The following ARHGAP20 variants were observed in gnomAD, a reference collection of about 807,000 sequenced individuals.
ARHGAP20 encodes the protein Rho GTPase activating protein 20.
A neutral mutation model predicts 73.7 loss-of-function variants in ARHGAP20; 34 were observed. That is an observed-to-expected ratio of 0.46 (90% confidence interval 0.35 to 0.61). The LOEUF is 0.61. Ranked by LOEUF, ARHGAP20 falls within the 20% of genes least tolerant of loss-of-function variation. The pLI, the probability that ARHGAP20 is intolerant of heterozygous loss-of-function variation, is 0.00. For missense variants in ARHGAP20, 1,314 were observed against 1,420.9 expected (o/e 0.92, Z 1.21); for synonymous variants, 523 against 518.2 (o/e 1.01, Z -0.13).
intron 8 of ARHGAP20, 115 bp from the exon 9 acceptor site, chr11:110,606,864 C>G (rs1948244808): frequency 1.1e-6 from 1 of 905,100 alleles, no homozygotes. Context: ...ATAAAGAATC[C>G]CTTTGTTTGA....
Position 110,577,294 on chromosome 11 carries a change from A to G in ARHGAP20, c.*2076T>C. The G allele has an allele frequency of 7.3e-7, 1 of 1,371,130 alleles. No homozygotes were observed. The highest frequency in any genetic ancestry group is 9.4e-7 in the Non-Finnish European group (1 of 1,060,014). The allele number at this position is 1,371,130 out of a possible 1,614,324, so 84.9% of individuals were successfully genotyped here. ...GATGGAGTATAATAAAATGACATAT[A>G]GTCTGTCTTCAAATCATACAATATA... is the stretch of plus-strand genomic sequence containing the variant. On this transcript the variant is annotated 3_prime_UTR_variant, in exon 15 of 15. Transcript: ENST00000683387.
At chr11:110,711,425 C>A (rs1465632761) in intron 1 of ARHGAP20, among the ~76,000 whole-genome samples, 1 of 151,332 alleles carries the variant, frequency 6.6e-6, no homozygotes, top group Non-Finnish European at 1.5e-5. Context: ...CGCCCCCACC[C>A]TGCTCGGTTC....
rs138889668 is a variant in ARHGAP20, at chr11:110,600,753, G to T, written c.964+5808C>A. Among the ~76,000 whole-genome samples, 14 of 152,324 alleles carry T rather than the reference G, an allele frequency of 9.2e-5. No homozygotes were observed. The East Asian group carries it at 2.7e-3, about 29-fold the overall frequency. ...ACATGTGAGTTGGGCCTTGAGGTCA[G>T]AACTTTGAATGTCTATATCTTGAAC... On this transcript the variant is annotated intron_variant, in intron 9 of 14. Transcript: ENST00000683387.
In ARHGAP20 at chr11:110,578,844, A is replaced by C; in HGVS notation, c.*526T>G. On this transcript the variant is annotated 3_prime_UTR_variant, in exon 15 of 15. Coordinates refer to ENST00000683387, the MANE Select transcript of ARHGAP20 (RefSeq NM_001384657.1). ...ACGTGATTAGTAAGATCCCACAAAA[A>C]TGGCCACTGGCTTAGATTTAGGGAA... 1 of 985,928 alleles carries C rather than the reference A, an allele frequency of 1.0e-6. No individual in the cohort carries two copies. Among genetic ancestry groups the C allele is most frequent in the South Asian group, 4.7e-5 (1 of 21,300 alleles). 61.1% of individuals were successfully genotyped at this position (985,928 alleles called of 1,614,324 possible).
intron 2 of ARHGAP20, among the ~76,000 whole-genome samples, chr11:110,675,842 T>C (rs928994853): frequency 6.6e-6 from 1 of 152,222 alleles, no homozygotes; most frequent in African/African-American, 2.4e-5. Flanking sequence ...AGCTGCTTTG[T>C]TCTCCTGTTT....
chr11:110,701,340 T>C (rs1225905795), intron 1 of ARHGAP20, among the ~76,000 whole-genome samples: 1 of 151,264 alleles, frequency 6.6e-6, no homozygotes, highest in Middle Eastern at 3.4e-3. Flanking sequence ...TGGCCAGTGA[T>C]GGTGAGCATT....
Position 110,691,001 on chromosome 11 carries a change from G to A in ARHGAP20, c.106-372C>T, listed in dbSNP as rs763210455. The A allele has an allele frequency of 2.2e-5, 33 of 1,527,494 alleles. No homozygotes were observed. The African/African-American group carries it at 2.8e-4, about 13-fold the overall frequency. 94.6% of individuals were successfully genotyped at this position (1,527,494 alleles called of 1,614,324 possible). ...TTTATTATAATCCAAAATGTCATCC[G>A]GGTAGATACTACTATCTTTATTTCA... On this transcript the variant is annotated intron_variant, in intron 1 of 14. Coordinates refer to ENST00000683387, the MANE Select transcript of ARHGAP20 (RefSeq NM_001384657.1).
intron 1 of ARHGAP20, chr11:110,711,521 A>T: frequency 8.7e-7 from 1 of 1,153,816 alleles, no homozygotes; most frequent in Non-Finnish European, 1.1e-6. Flanking sequence ...CACCTGGGAG[A>T]CCCGGAATCA....
intron 2 of ARHGAP20, among the ~76,000 whole-genome samples, chr11:110,689,461 T>C (rs956565146): frequency 1.3e-5 from 2 of 152,178 alleles, no homozygotes; most frequent in African/African-American, 4.8e-5. Context: ...AATGAATATT[T>C]GAATTTGAAA....
chr11:110,692,502 G>T (rs1456364562), intron 1 of ARHGAP20, among the ~76,000 whole-genome samples: 2 of 151,982 alleles, frequency 1.3e-5, no homozygotes, highest in Non-Finnish European at 2.9e-5. Context: ...TGTCTGCTTT[G>T]ACCTTGAGGA....
At chr11:110,596,532 A>G (rs1271025740) in intron 9 of ARHGAP20, among the ~76,000 whole-genome samples, 3 of 152,216 alleles carry the variant, frequency 2.0e-5, no homozygotes, top group East Asian at 3.8e-4. Flanking sequence ...CAAAAAACAC[A>G]TGAAAAAATG....
At chr11:110,655,075 C>G (rs2135024723) in intron 2 of ARHGAP20, among the ~76,000 whole-genome samples, 1 of 152,240 alleles carries the variant, frequency 6.6e-6, no homozygotes, top group African/African-American at 2.4e-5. Flanking sequence ...AGACTATATT[C>G]TTCTTTATTT....
Position 110,577,674 on chromosome 11 carries a change from G to A in ARHGAP20, c.*1696C>T, listed in dbSNP as rs866139333. 2.8e-5 allele frequency: 28 copies of A among 985,646 alleles called. No individual in the cohort carries two copies. Among genetic ancestry groups the A allele is most frequent in the Non-Finnish European group, 3.3e-5 (27 of 829,894 alleles). 61.1% of individuals were successfully genotyped at this position (985,646 alleles called of 1,614,324 possible). A position where few individuals can be genotyped will look rare whatever the true frequency, so the allele number is the denominator to read the frequency against. ...GACTGGTTAGTTATAAAGTGAAATC[G>A]ACTTCACATCTGTGACTCAGATGGC... On this transcript the variant is annotated 3_prime_UTR_variant, in exon 15 of 15. Coordinates refer to ENST00000683387, the MANE Select transcript of ARHGAP20 (RefSeq NM_001384657.1).
intron 9 of ARHGAP20, among the ~76,000 whole-genome samples, chr11:110,598,492 CACTAG>C (rs1223959040): frequency 1.3e-5 from 2 of 152,192 alleles, no homozygotes; most frequent in African/African-American, 4.8e-5. Context: ...CTGTTCTATA[CACTAG>C]ACTAAGCCCT....
intron 9 of ARHGAP20, among the ~76,000 whole-genome samples, chr11:110,594,349 T>C (rs1947901031): frequency 6.6e-6 from 1 of 152,198 alleles, no homozygotes; most frequent in African/African-American, 2.4e-5. Context: ...ACCTCTTTTC[T>C]TTCCTCAACC....
chr11:110,678,126 C>T (rs531638236), intron 2 of ARHGAP20, among the ~76,000 whole-genome samples: 13 of 152,172 alleles, frequency 8.5e-5, no homozygotes, highest in African/African-American at 2.9e-4. Flanking sequence ...AAACAGCACA[C>T]GATTTCAGTT....
At chr11:110,608,784 T>G (rs992215465) in intron 8 of ARHGAP20, among the ~76,000 whole-genome samples, 200 bp downstream of exon 8, 2 of 152,174 alleles carry the variant, frequency 1.3e-5, no homozygotes, top group African/African-American at 4.8e-5. Flanking sequence ...TCTTCCCAAC[T>G]ATACCATTAG....
chr11:110,691,040 C>T, intron 1 of ARHGAP20: 2 of 1,498,224 alleles, frequency 1.3e-6, no homozygotes, highest in Non-Finnish European at 1.8e-6. Flanking sequence ...GCAAATTTGG[C>T]TTCAAGAAAA....
At chr11:110,608,946 C>T in intron 8 of ARHGAP20, 38 bp downstream of exon 8, 2 of 1,548,496 alleles carry the variant, frequency 1.3e-6, no homozygotes, top group Non-Finnish European at 1.8e-6. Context: ...ATAATTAAAA[C>T]ACAATCAATG....
Sources: allele counts gnomAD v4.1 joint callset (sites outside exome capture counted in the v4.1 genomes callset), GRCh38; gene constraint gnomAD v4.1.1; transcripts MANE v1.5; gene names NCBI Gene and HGNC (gene_info 2026-07-23, HGNC 2026-07-21).